MALRD1: variants seen among roughly 807,000 people sequenced by gnomAD.
MALRD1 encodes MAM and LDL-receptor class A domain-containing protein 1.
A neutral mutation model predicts 242.1 loss-of-function variants in MALRD1; 247 were observed. That is an observed-to-expected ratio of 1.02 (90% CI 0.92 to 1.13). The LOEUF (loss-of-function observed/expected upper bound fraction) is 1.13, where lower values mean the gene tolerates loss of function less well. Ranked by LOEUF, MALRD1 falls within the 50% of genes most tolerant of loss-of-function variation. The pLI is 0.00. For missense variants in MALRD1, 2,989 were observed against 2,533.1 expected, an observed-to-expected ratio of 1.18 and a Z score of -3.86; for synonymous variants, 995 against 866.6, an observed-to-expected ratio of 1.15 and a Z score of -2.60.
chr10:19,379,974 T>A (rs1376763562), intron 26 of MALRD1, among the ~76,000 whole-genome samples: 6 of 116,700 alleles, frequency 5.1e-5, no homozygotes, highest in Admixed American at 2.4e-4. Flanking sequence ...TTTTATTTAA[T>A]TTTTTTTTTT....
Position 19,719,843 on chromosome 10 carries a change from T to TA in MALRD1, c.6315-10851dup, listed in dbSNP as rs200731928. Among the ~76,000 whole-genome samples, 714 of 147,202 alleles carry TA rather than the reference T, an allele frequency of 4.9e-3. 7 individuals carry two copies. Among genetic ancestry groups the TA allele is most frequent in the Admixed American group, 0.029 (419 of 14,660 alleles). ...TTCCTTTTCCTCCAGATTGTTTATT[T>TA]AAAAAAAAAAAATCATCTTGACAGG... On this transcript the variant is annotated intron_variant, in intron 38 of 39. Transcript: ENST00000454679.
At chr10:19,058,615 AAG>A (rs1282651375) in intron 1 of MALRD1, among the ~76,000 whole-genome samples, 2 of 152,146 alleles carry the variant, frequency 1.3e-5, no homozygotes, top group African/African-American at 2.4e-5. Flanking sequence ...AGTAAAATGA[AAG>A]AGGAAAAACA....
At chr10:19,150,253 G>T (rs1167620008) in intron 11 of MALRD1, among the ~76,000 whole-genome samples, 1 of 151,960 alleles carries the variant, frequency 6.6e-6, no homozygotes, top group Non-Finnish European at 1.5e-5. Flanking sequence ...TTGCACTCTG[G>T]TTGGTGATAG....
At chr10:19,695,503 A>G (rs1284473099) in intron 38 of MALRD1, among the ~76,000 whole-genome samples, 1 of 145,130 alleles carries the variant, frequency 6.9e-6, no homozygotes, top group Non-Finnish European at 1.5e-5. Context: ...AGAGAAGCAA[A>G]GGCATGTTTT....
intron 38 of MALRD1, chr10:19,710,642 A>C (rs1372995151): frequency 6.6e-6 from 1 of 152,256 alleles, no homozygotes; most frequent in African/African-American, 2.4e-5. Flanking sequence ...CAAACTGTAT[A>C]AAATATATGA....
chr10:19,349,730 A>T (rs993165536), intron 25 of MALRD1, among the ~76,000 whole-genome samples: 18 of 152,194 alleles, frequency 1.2e-4, no homozygotes, highest in Admixed American at 1.1e-3. Flanking sequence ...GATATTCTGA[A>T]AATCACAAAT....
chr10:19,697,909 TTA>T (rs1366355607), intron 38 of MALRD1, among the ~76,000 whole-genome samples: 6 of 152,196 alleles, frequency 3.9e-5, no homozygotes, highest in Admixed American at 2.6e-4. Flanking sequence ...TTCCAGTAAC[TTA>T]TTTAGATTCC....
At position 19,701,349 on chromosome 10, in the gene MALRD1, C is replaced by T. The variant is rs141360637; in HGVS notation, c.6314+8795C>T. 9.2e-5 allele frequency among the ~76,000 whole-genome samples: 14 copies of T among 152,156 alleles called. No homozygotes were observed. The East Asian group carries it at 1.6e-3, about 17-fold the overall frequency. ...GCCTCAGTGACCTCATAAGTGGATG[C>T]GGCCCGGATAGTTCTGGGGAATCAT... is the stretch of plus-strand genomic sequence containing the variant. On this transcript the variant is annotated intron_variant, in intron 38 of 39. Transcript: ENST00000454679.
intron 11 of MALRD1, among the ~76,000 whole-genome samples, chr10:19,148,025 A>G (rs1344134529): frequency 1.3e-5 from 2 of 152,190 alleles, no homozygotes; most frequent in African/African-American, 4.8e-5. Context: ...GGAATTGGAA[A>G]TGTGTCTGCA....
intron 35 of MALRD1, among the ~76,000 whole-genome samples, chr10:19,614,032 C>G (rs1839022944): frequency 6.6e-6 from 1 of 152,010 alleles, no homozygotes; most frequent in South Asian, 2.1e-4. Flanking sequence ...ATGCCACACT[C>G]ACATTTTTTT....
At chr10:19,403,297 A>G (rs1846950106) in intron 28 of MALRD1, among the ~76,000 whole-genome samples, 1 of 152,194 alleles carries the variant, frequency 6.6e-6, no homozygotes, top group South Asian at 2.1e-4. Flanking sequence ...TATAAATTAG[A>G]CCATCTGGTT....
At chr10:19,163,720 G>C (rs1834547362) in intron 12 of MALRD1, among the ~76,000 whole-genome samples, 2 of 152,180 alleles carry the variant, frequency 1.3e-5, no homozygotes, top group Non-Finnish European at 2.9e-5. Context: ...TTTGTTCAGT[G>C]ATTTCACCCT....
At chr10:19,645,385 C>A (rs918793755) in intron 36 of MALRD1, among the ~76,000 whole-genome samples, 20 of 152,254 alleles carry the variant, frequency 1.3e-4, no homozygotes, top group Non-Finnish European at 2.2e-4. Context: ...TGGGTATATA[C>A]CCAAAGGATT....
At chr10:19,433,454 C>T (rs988750499) in intron 28 of MALRD1, among the ~76,000 whole-genome samples, 6 of 152,190 alleles carry the variant, frequency 3.9e-5, no homozygotes, top group African/African-American at 1.2e-4. Context: ...GGGCAGAGGG[C>T]CTCTGAGCCC....
At chr10:19,087,634 G>C (rs977693189) in intron 2 of MALRD1, among the ~76,000 whole-genome samples, 5 of 151,338 alleles carry the variant, frequency 3.3e-5, no homozygotes, top group Non-Finnish European at 5.9e-5. Flanking sequence ...TATCCAATGC[G>C]TAATAATCAC....
At chr10:19,634,431 C>T (rs1196656638) in intron 36 of MALRD1, among the ~76,000 whole-genome samples, 2 of 152,094 alleles carry the variant, frequency 1.3e-5, no homozygotes, top group African/African-American at 4.8e-5. Context: ...TTAGAGTGCC[C>T]ATCACATTAT....
chr10:19,341,681 A>G (rs1222031270), intron 24 of MALRD1, among the ~76,000 whole-genome samples: 1 of 151,884 alleles, frequency 6.6e-6, no homozygotes, highest in African/African-American at 2.4e-5. Context: ...ATAATTTTAA[A>G]TAGGGTAGTC....
intron 9 of MALRD1, among the ~76,000 whole-genome samples, chr10:19,134,835 G>C (rs1433340698): frequency 6.6e-6 from 1 of 152,104 alleles, no homozygotes; most frequent in Non-Finnish European, 1.5e-5. Flanking sequence ...AGGTTCTCAA[G>C]TGGATATGTA....
intron 38 of MALRD1, among the ~76,000 whole-genome samples, chr10:19,708,821 C>A (rs1833981738): frequency 8.3e-6 from 1 of 120,050 alleles, no homozygotes; most frequent in African/African-American, 2.6e-5. Flanking sequence ...GCCACCACAC[C>A]CAGCTAATTT....
Sources: gnomAD v4.1 joint callset for allele counts (sites outside exome capture counted in the v4.1 genomes callset) on GRCh38, gnomAD v4.1.1 for gene constraint, MANE v1.5 for transcripts, NCBI Gene and HGNC (gene_info 2026-07-23, HGNC 2026-07-21) for gene names.